The following GUCA1B variants were observed in gnomAD, a reference collection of about 807,000 sequenced individuals.
GUCA1B encodes guanylate cyclase activator 1B.
In GUCA1B, 22 loss-of-function variants were observed where a neutral mutation model predicts 24.2. The observed-to-expected ratio is 0.91, with a 90% CI of 0.65 to 1.30. GUCA1B has a LOEUF of 1.30. GUCA1B is among the 50% of genes most tolerant of loss of function. GUCA1B has a pLI of 0.00. For missense variants in GUCA1B, 221 were observed against 258.8 expected, an observed-to-expected ratio of 0.85 and a Z score of 1.00; for synonymous variants, 100 against 97.9, an observed-to-expected ratio of 1.02 and a Z score of -0.13.
At chr6:42,193,577 G>A (rs569844503) in intron 1 of GUCA1B, among the ~76,000 whole-genome samples, 21 of 152,298 alleles carry the variant, frequency 1.4e-4, no homozygotes, top group Middle Eastern at 3.4e-3. Context: ...TAAGAGAGGC[G>A]GAGCGCTGAG....
chr6:42,192,353 C>CAAAA (rs552941208), intron 1 of GUCA1B, among the ~76,000 whole-genome samples: 1 of 57,194 alleles, frequency 1.7e-5, no homozygotes, highest in African/African-American at 8.2e-5. Context: ...GACTCCAACT[C>CAAAA]AAAAAAAAAA....
chr6:42,186,428 A>G (rs1182242435), intron 2 of GUCA1B, among the ~76,000 whole-genome samples: 1 of 152,084 alleles, frequency 6.6e-6, no homozygotes, highest in Non-Finnish European at 1.5e-5. Context: ...TCCTGTCTCT[A>G]CTAAAAATAC....
At chr6:42,191,449 GA>G (rs1188014085) in intron 1 of GUCA1B, among the ~76,000 whole-genome samples, 1 of 152,060 alleles carries the variant, frequency 6.6e-6, no homozygotes, top group Non-Finnish European at 1.5e-5. Context: ...CGATTGTTCC[GA>G]AATGACACTC....
At chr6:42,192,181 C>G (rs1282171977) in intron 1 of GUCA1B, among the ~76,000 whole-genome samples, 1 of 150,858 alleles carries the variant, frequency 6.6e-6, no homozygotes, top group Non-Finnish European at 1.5e-5. Flanking sequence ...TGGTGAAACC[C>G]CATCTCTACT....
chr6:42,193,865 T>C (rs1244683133), intron 1 of GUCA1B, among the ~76,000 whole-genome samples: 11 of 152,306 alleles, frequency 7.2e-5, no homozygotes, highest in Non-Finnish European at 1.3e-4. Flanking sequence ...TTTGAGGTAT[T>C]TGAGGTATTT....
intron 1 of GUCA1B, among the ~76,000 whole-genome samples, 186 bp from the exon 2 acceptor site, chr6:42,188,917 C>CTATCTATCTATATCA (rs59863444): frequency 3.6e-4 from 53 of 146,358 alleles, no homozygotes; most frequent in African/African-American, 1.3e-3. Flanking sequence ...TATATCATCT[C>CTATCTATCTATATCA]TCTCTCTCTC....
At chr6:42,189,213 CCTCATT>C (rs1489669759) in intron 1 of GUCA1B, among the ~76,000 whole-genome samples, 1 of 152,212 alleles carries the variant, frequency 6.6e-6, no homozygotes, top group African/African-American at 2.4e-5. Context: ...CTCTCTCCCT[CCTCATT>C]CTAACATCCA....
chr6:42,189,654 G>A (rs59004693), intron 1 of GUCA1B, among the ~76,000 whole-genome samples: 25,388 of 152,190 alleles, frequency 0.17, 2,519 homozygotes, highest in African/African-American at 0.27. Flanking sequence ...GGGGAGCGCA[G>A]AGCTCAGGTG....
rs1768143953 is a variant in GUCA1B, at chr6:42,183,719, GAGAC to G, written c.*1092_*1095del. Among the ~76,000 whole-genome samples, 2 of 152,296 alleles carry G rather than the reference GAGAC, an allele frequency of 1.3e-5. No individual in the cohort carries two copies. The highest frequency in any genetic ancestry group is 4.8e-5 in the African/African-American group (2 of 41,580). ...GTCAACAGTCCCCCAATTCTTGCCA[GAGAC>G]AGACAGAAGTTTTCTCCATCCTTTA... is the stretch of plus-strand genomic sequence containing the variant. On this transcript the variant is annotated 3_prime_UTR_variant, in exon 4 of 4. Coordinates refer to ENST00000230361, the MANE Select transcript of GUCA1B (RefSeq NM_002098.6).
chr6:42,185,578 A>G, intron 3 of GUCA1B, 102 bp downstream of exon 3: 2 of 741,298 alleles, frequency 2.7e-6, no homozygotes, highest in South Asian at 1.4e-5. Context: ...ACAGATGAGG[A>G]CCCCAGGGTT....
chr6:42,188,892 C>CTAT (rs1301325025), intron 1 of GUCA1B, among the ~76,000 whole-genome samples, 161 bp from the exon 2 acceptor site: 48 of 131,382 alleles, frequency 3.7e-4, no homozygotes, highest in African/African-American at 1.8e-3. Flanking sequence ...AACATTCTAT[C>CTAT]TATCTATCTA....
At chr6:42,190,858 A>C (rs2395803) in intron 1 of GUCA1B, among the ~76,000 whole-genome samples, 82,838 of 152,080 alleles carry the variant, frequency 0.54, 24,543 homozygotes, top group East Asian at 0.85. Flanking sequence ...AGATCTCCAG[A>C]GTCTTCCTCA....
chr6:42,185,773 A>G lies in GUCA1B; in HGVS notation c.382T>C (p.Cys128Arg). ...TGCTCAGTTTGTAGCTCTCGCCGGC[A>G]GGCTTTCTTCAGCTGGTAAATTCCC... ...VEGIYQLKKACRRELQTEQGQ... is the reference protein window; with the variant it reads ...VEGIYQLKKARRRELQTEQGQ... The change falls in exon 3 of 4, where the codon TGC becomes CGC. Residue 128 changes from cysteine to arginine, a missense_variant. Cys to Arg is a radical substitution (Grantham distance 180). Coordinates refer to ENST00000230361, the MANE Select transcript of GUCA1B (RefSeq NM_002098.6). 1 of 1,612,796 alleles carries G rather than the reference A, an allele frequency of 6.2e-7. No individual in the cohort carries two copies. The highest frequency in any genetic ancestry group is 8.5e-7 in the Non-Finnish European group (1 of 1,179,046).
rs1043020692 is a variant in GUCA1B at position 42,194,850 on chromosome 6, G to A, written c.-30C>T. The A allele has an allele frequency of 3.7e-5, 55 of 1,472,286 alleles. No individual in the cohort carries two copies. The highest frequency in any genetic ancestry group is 1.2e-4 in the East Asian group (5 of 40,578). The allele number at this position is 1,472,286 out of a possible 1,614,324, so 91.2% of individuals were successfully genotyped here. On this transcript the variant is annotated 5_prime_UTR_variant, in exon 1 of 4. Transcript: ENST00000230361. ...GCCCTGAGGAGCATCAGGGAGCAAGGGTCTGTATCTCCTCCCTGGCTTCTG... is the reference window on the plus strand; with the variant it reads ...GCCCTGAGGAGCATCAGGGAGCAAGAGTCTGTATCTCCTCCCTGGCTTCTG...
chr6:42,194,360 G>A (rs1273381581), intron 1 of GUCA1B, among the ~76,000 whole-genome samples: 1 of 152,190 alleles, frequency 6.6e-6, no homozygotes, highest in Admixed American at 6.5e-5. Flanking sequence ...TCAAGAAGAG[G>A]ACACAGGGAG....
chr6:42,190,717 A>G (rs1768290400), intron 1 of GUCA1B, among the ~76,000 whole-genome samples: 1 of 152,166 alleles, frequency 6.6e-6, no homozygotes. Context: ...CCTCCAGTGC[A>G]TCACGTCGGA....
chr6:42,186,678 C>T (rs560228779), intron 2 of GUCA1B, among the ~76,000 whole-genome samples: 2 of 152,226 alleles, frequency 1.3e-5, no homozygotes, highest in East Asian at 1.9e-4. Context: ...CCCAGGCTGG[C>T]GCTCCCTGAG....
chr6:42,188,912 C>CATCT (rs1562063702), intron 1 of GUCA1B, among the ~76,000 whole-genome samples, 181 bp from the exon 2 acceptor site: 140 of 85,114 alleles, frequency 1.6e-3, no homozygotes, highest in African/African-American at 0.01. Context: ...ATATCTATAT[C>CATCT]ATCTCTCTCT....
chr6:42,193,823 T>C (rs1285368292), intron 1 of GUCA1B, among the ~76,000 whole-genome samples: 1 of 152,230 alleles, frequency 6.6e-6, no homozygotes, highest in African/African-American at 2.4e-5. Flanking sequence ...TTTCTTCAGA[T>C]TAAATTGGTA....
Sources: gnomAD v4.1 joint callset for allele counts (sites outside exome capture counted in the v4.1 genomes callset) on GRCh38, gnomAD v4.1.1 for gene constraint, MANE v1.5 for transcripts, NCBI Gene and HGNC (gene_info 2026-07-23, HGNC 2026-07-21) for gene names.